Variants in USP15 observed in about 807,000 individuals in gnomAD.
USP15 encodes ubiquitin specific peptidase 15, also known as ubiquitin carboxyl-terminal hydrolase 15.
Under a neutral mutation model 127.1 loss-of-function variants are expected in USP15, and 18 were observed. The observed-to-expected ratio is 0.14, with a 90% CI of 0.10 to 0.21. USP15 has a LOEUF of 0.21. USP15 is among the 10% of genes least tolerant of loss of function. The pLI, the probability that USP15 is intolerant of heterozygous loss-of-function variation, is 1.00. For missense variants in USP15, 805 were observed against 1,159.9 expected (o/e 0.69, Z 4.44); for synonymous variants, 364 against 393.7 (o/e 0.92, Z 0.89).
chr12:62,304,488 C>G (rs1486501487), intron 3 of USP15, among the ~76,000 whole-genome samples: 1 of 152,092 alleles, frequency 6.6e-6, no homozygotes, highest in Non-Finnish European at 1.5e-5. Context: ...GCCCACATGA[C>G]TGATGCAGGT....
intron 1 of USP15, chr12:62,274,360 A>G (rs2063421556): frequency 6.6e-6 from 1 of 151,474 alleles, no homozygotes; most frequent in Admixed American, 6.6e-5. Context: ...ATATTAGGCA[A>G]TTAAGCAGGA....
chr12:62,273,384 G>A (rs1341382456), intron 1 of USP15, among the ~76,000 whole-genome samples: 1 of 151,808 alleles, frequency 6.6e-6, no homozygotes, highest in Non-Finnish European at 1.5e-5. Flanking sequence ...TTGAACAAAG[G>A]GACCTTGGCT....
intron 8 of USP15, among the ~76,000 whole-genome samples, chr12:62,364,273 T>C (rs2066410711): frequency 6.6e-6 from 1 of 152,158 alleles, no homozygotes; most frequent in Non-Finnish European, 1.5e-5. Context: ...ATCCCCAAAA[T>C]ACAAGACTAG....
intron 6 of USP15, chr12:62,335,548 A>G: frequency 1.9e-6 from 2 of 1,071,632 alleles, no homozygotes; most frequent in Middle Eastern, 4.3e-4. Flanking sequence ...CCTCTCTCCT[A>G]CATATATAAA....
chr12:62,330,019 G>A (rs1414893150), intron 6 of USP15, among the ~76,000 whole-genome samples: 1 of 152,054 alleles, frequency 6.6e-6, no homozygotes, highest in African/African-American at 2.4e-5. Flanking sequence ...GGTAAATAGA[G>A]CAAATAAGAA....
intron 21 of USP15, 115 bp from the exon 22 acceptor site, chr12:62,404,078 T>C: frequency 7.8e-7 from 1 of 1,287,958 alleles, no homozygotes; most frequent in Non-Finnish European, 1.0e-6. Flanking sequence ...CCATGCATGG[T>C]TTTTCTATTT....
intron 2 of USP15, among the ~76,000 whole-genome samples, chr12:62,301,236 A>G (rs1029910497): frequency 6.6e-5 from 10 of 152,142 alleles, no homozygotes; most frequent in African/African-American, 2.4e-4. Context: ...CACTGTTTCT[A>G]TCGATGTCAT....
intron 1 of USP15, among the ~76,000 whole-genome samples, chr12:62,293,314 A>G (rs965479208): frequency 4.6e-5 from 7 of 152,000 alleles, no homozygotes; most frequent in African/African-American, 1.5e-4. Flanking sequence ...GTGTACTAGT[A>G]TTCTCTCTCT....
At chr12:62,338,549 C>T (rs955479197) in intron 6 of USP15, among the ~76,000 whole-genome samples, 2 of 152,116 alleles carry the variant, frequency 1.3e-5, no homozygotes, top group Non-Finnish European at 2.9e-5. Flanking sequence ...GAAATCATTG[C>T]CCATGACTGT....
chr12:62,263,502 C>G (rs1264160857), intron 1 of USP15, among the ~76,000 whole-genome samples: 1 of 152,092 alleles, frequency 6.6e-6, no homozygotes, highest in African/African-American at 2.4e-5. Flanking sequence ...TACAGTTTCT[C>G]TTTATTTGTA....
chr12:62,321,487 A>G lies in USP15; in HGVS notation c.499A>G (p.Lys167Glu). 6.3e-7 allele frequency: 1 copy of G among 1,591,640 alleles called. No homozygotes were observed. The highest frequency in any genetic ancestry group is 8.6e-7 in the Non-Finnish European group (1 of 1,167,378). ...TIDTIEKEIR[K>E]IFSIPDEKET... ...AGATACAATTGAAAAGGAAATAAGA[A>G]AAATCTTCAGTATTCCAGATGAAAA... The change falls in exon 5 of 22, where the codon AAA becomes GAA. Residue 167 changes from lysine to glutamate, a missense_variant. Physicochemically the swap from Lys to Glu is moderately conservative, Grantham distance 56. This residue lies in a region of USP15 where 57 missense variants were observed against 47.3 expected (regional missense o/e 1.20). Transcript: ENST00000280377.
intron 5 of USP15, among the ~76,000 whole-genome samples, chr12:62,323,923 A>G (rs965558737): frequency 6.6e-6 from 1 of 152,108 alleles, no homozygotes; most frequent in Non-Finnish European, 1.5e-5. Context: ...AATGTTTCAA[A>G]GAATAGTCAT....
intron 2 of USP15, among the ~76,000 whole-genome samples, chr12:62,296,465 G>T (rs1366572501): frequency 6.6e-6 from 1 of 152,132 alleles, no homozygotes; most frequent in Non-Finnish European, 1.5e-5. Context: ...CATAATCAGG[G>T]ATAGAAAAGG....
rs2067948535 is a variant in USP15, at chr12:62,408,515, G to GCCC, written c.*4140_*4141insCCC. 1 of 152,048 alleles carries GCCC rather than the reference G, an allele frequency of 6.6e-6. No individual in the cohort carries two copies. Among genetic ancestry groups the GCCC allele is most frequent in the African/African-American group, 2.4e-5 (1 of 41,418 alleles). The allele number at this position is 152,048 out of a possible 1,614,324, so 9.4% of individuals were successfully genotyped here. A position where few individuals can be genotyped will look rare whatever the true frequency, so the allele number is the denominator to read the frequency against. Reference sequence around the variant, plus strand: ...TCCTTTCTAGGGCCATAGAATAAGAGTAGAAGTTTTTGCTCATTTTTTTTG... The same window carrying GCCC: ...TCCTTTCTAGGGCCATAGAATAAGAGCCCTAGAAGTTTTTGCTCATTTTTTTTG... On this transcript the variant is annotated 3_prime_UTR_variant, in exon 22 of 22. Transcript: ENST00000280377.
intron 8 of USP15, among the ~76,000 whole-genome samples, chr12:62,358,103 C>T (rs940907382): frequency 6.6e-6 from 1 of 151,542 alleles, no homozygotes; most frequent in African/African-American, 2.4e-5. Flanking sequence ...AATTCAGTGT[C>T]CTCCAAATTT....
At chr12:62,273,581 T>A (rs2063400059) in intron 1 of USP15, among the ~76,000 whole-genome samples, 1 of 152,088 alleles carries the variant, frequency 6.6e-6, no homozygotes, top group Non-Finnish European at 1.5e-5. Flanking sequence ...TCTACTCAAG[T>A]CTGATTTCAG....
intron 19 of USP15, 152 bp downstream of exon 19, chr12:62,393,354 G>A: frequency 1.4e-6 from 1 of 737,494 alleles, no homozygotes. Flanking sequence ...CAGTTTATAA[G>A]GATCAGTGTT....
At chr12:62,394,261 A>G (rs1042783869) in intron 19 of USP15, among the ~76,000 whole-genome samples, 1 of 152,210 alleles carries the variant, frequency 6.6e-6, no homozygotes, top group Non-Finnish European at 1.5e-5. Flanking sequence ...CCATTTTGCA[A>G]AAAGAACTTT....
intron 7 of USP15, among the ~76,000 whole-genome samples, chr12:62,354,470 A>G (rs2066058143): frequency 6.6e-6 from 1 of 151,898 alleles, no homozygotes; most frequent in Non-Finnish European, 1.5e-5. Context: ...AATATTCATC[A>G]TACATATTTT....
Sources: allele counts gnomAD v4.1 joint callset (sites outside exome capture counted in the v4.1 genomes callset), GRCh38; gene constraint gnomAD v4.1.1; regional missense constraint gnomAD v4.1.1; transcripts MANE v1.5; gene names NCBI Gene and HGNC (gene_info 2026-07-23, HGNC 2026-07-21).